SCGB2B2: variants seen among roughly 807,000 people sequenced by gnomAD.
SCGB2B2 encodes the protein secretoglobin-like protein.
SCGB2B2 carries 11 observed loss-of-function variants against 7.6 expected under a neutral mutation model. The ratio of observed to expected loss-of-function variants is 1.45; its 90% CI spans 0.91 to 2.40. SCGB2B2 has a LOEUF of 2.40. Among genes scored for constraint, SCGB2B2 ranks in the 30% most tolerant of loss-of-function variants. The probability of loss-of-function intolerance (pLI) is 0.00; values close to 1 mark genes in which losing one functional copy is unlikely to be tolerated. For synonymous variants in SCGB2B2, 50 were observed against 48.6 expected (o/e 1.03, Z -0.12); for missense variants, 104 against 115.4 (o/e 0.90, Z 0.45).
intron 1 of SCGB2B2, among the ~76,000 whole-genome samples, chr19:34,667,052 A>T (rs1477033467): frequency 2.0e-5 from 3 of 152,042 alleles, no homozygotes; most frequent in Non-Finnish European, 2.9e-5. Flanking sequence ...GAGGAGGGAC[A>T]GGCCGTCATG....
intron 1 of SCGB2B2, among the ~76,000 whole-genome samples, chr19:34,598,400 C>G (rs2065522853): frequency 6.6e-6 from 1 of 152,234 alleles, no homozygotes; most frequent in Admixed American, 6.5e-5. Flanking sequence ...GTGACAGCCT[C>G]ATGCCCTGGC....
intron 1 of SCGB2B2, among the ~76,000 whole-genome samples, chr19:34,606,747 A>G (rs1194595957): frequency 1.3e-4 from 20 of 152,010 alleles, no homozygotes; most frequent in Admixed American, 1.2e-3. Context: ...CTATTTTATA[A>G]TTAGTACCTG....
intron 1 of SCGB2B2, among the ~76,000 whole-genome samples, chr19:34,613,506 T>C (rs370702100): frequency 2.0e-5 from 3 of 152,230 alleles, no homozygotes; most frequent in African/African-American, 4.8e-5. Flanking sequence ...ACAGTTTCTA[T>C]CTTTTAAGTG....
At chr19:34,672,050 T>C (rs2146208513) in intron 1 of SCGB2B2, among the ~76,000 whole-genome samples, 1 of 152,186 alleles carries the variant, frequency 6.6e-6, no homozygotes, top group East Asian at 1.9e-4. Flanking sequence ...CTGAAGCGAG[T>C]GAACTGCTTG....
intron 1 of SCGB2B2, among the ~76,000 whole-genome samples, chr19:34,623,122 T>TGTA (rs1354666797): frequency 3.3e-5 from 5 of 152,162 alleles, no homozygotes; most frequent in Non-Finnish European, 7.4e-5. Flanking sequence ...TCCCTGGCAC[T>TGTA]GTATGAGACA....
chr19:34,657,490 A>G (rs919635280), intron 1 of SCGB2B2, among the ~76,000 whole-genome samples: 4 of 151,810 alleles, frequency 2.6e-5, no homozygotes, highest in African/African-American at 9.7e-5. Context: ...AACAAAGATC[A>G]AAAGAGACAA....
chr19:34,645,015 C>T (rs8112457), intron 1 of SCGB2B2, among the ~76,000 whole-genome samples: 60,807 of 152,104 alleles, frequency 0.4, 13,191 homozygotes, highest in Middle Eastern at 0.61. Flanking sequence ...CTGAAAGTGC[C>T]TCACCCAAGT....
chr19:34,614,617 T>C (rs1353185142), intron 1 of SCGB2B2, among the ~76,000 whole-genome samples: 1 of 152,248 alleles, frequency 6.6e-6, no homozygotes, highest in Non-Finnish European at 1.5e-5. Flanking sequence ...TTCCTTTTCA[T>C]TGATGTCTTT....
chr19:34,617,094 A>C (rs1013961180), intron 1 of SCGB2B2, among the ~76,000 whole-genome samples: 13 of 152,186 alleles, frequency 8.5e-5, no homozygotes, highest in Non-Finnish European at 1.2e-4. Flanking sequence ...GTAGCCTTGC[A>C]GTATAGTTTG....
At chr19:34,599,363 A>G (rs977504282) in intron 1 of SCGB2B2, among the ~76,000 whole-genome samples, 24 of 152,364 alleles carry the variant, frequency 1.6e-4, no homozygotes, top group Middle Eastern at 3.4e-3. Context: ...CATGCTGCCA[A>G]TAAAGACATA....
Position 34,645,525 on chromosome 19 carries a change from GACACACACAGACACAGACACACAC to G in SCGB2B2, c.-2032+30081_-2032+30104del, listed in dbSNP as rs1190324495. Reference sequence around the variant, plus strand: ...ATACACAGACACACAGACACACACAGACACACACAGACACAGACACACACACACACACACACACACACACACACG... The same window carrying G: ...ATACACAGACACACAGACACACACAGACACACACACACACACACACACACG... On this transcript the variant is annotated intron_variant, in intron 1 of 3. Coordinates refer to ENST00000601241, the MANE Select transcript of SCGB2B2 (RefSeq NM_001025591.4). 368 of 139,950 alleles carry G rather than the reference GACACACACAGACACAGACACACAC, an allele frequency of 2.6e-3. 1 individual carries two copies. Among genetic ancestry groups the G allele is most frequent in the South Asian group, 4.6e-3 (29 of 6,272 alleles). 8.7% of individuals were successfully genotyped at this position (139,950 alleles called of 1,614,324 possible). A position where few individuals can be genotyped will look rare whatever the true frequency, so the allele number is the denominator to read the frequency against.
Position 34,594,292 on chromosome 19 carries a change from C to T in SCGB2B2, c.129G>A (p.Leu43=), listed in dbSNP as rs752292606. ...GGTTGTAACGAGCAAGCTCCTCCTT[C>T]AGGAGGTCTTGGGACACATCAAACA... The part of the protein sequence containing the change: ...NVVFDVSQDL[L]KEELARYNPS... Residue 43 remains leucine, a synonymous_variant, in exon 3 of 4, where the codon CTG becomes CTA. Transcript: ENST00000601241. 1.2e-6 allele frequency: 2 copies of T among 1,613,988 alleles called. No homozygotes were observed. The highest frequency in any genetic ancestry group is 1.7e-6 in the Non-Finnish European group (2 of 1,179,838).
chr19:34,638,606 A>C (rs2066757288), intron 1 of SCGB2B2, among the ~76,000 whole-genome samples: 1 of 152,230 alleles, frequency 6.6e-6, no homozygotes, highest in South Asian at 2.1e-4. Context: ...AATCAGATTC[A>C]TCCCCACCAG....
chr19:34,669,800 G>C (rs2067752663), intron 1 of SCGB2B2, among the ~76,000 whole-genome samples: 1 of 150,868 alleles, frequency 6.6e-6, no homozygotes, highest in African/African-American at 2.5e-5. Flanking sequence ...CACACAGAGA[G>C]GCCAATGCGA....
chr19:34,620,796 AGT>A (rs769823647), intron 1 of SCGB2B2, among the ~76,000 whole-genome samples: 30 of 152,368 alleles, frequency 2.0e-4, no homozygotes, highest in Non-Finnish European at 3.4e-4. Context: ...CAAATCTTAT[AGT>A]ATTAACATCA....
chr19:34,613,930 A>T (rs399795), intron 1 of SCGB2B2, among the ~76,000 whole-genome samples: 75,519 of 152,028 alleles, frequency 0.5, 19,576 homozygotes, highest in African/African-American at 0.63. Context: ...TTCTGTCAGC[A>T]CTTTGAATAT....
intron 1 of SCGB2B2, chr19:34,637,834 T>C (rs1212511785): frequency 1.3e-5 from 2 of 152,284 alleles, no homozygotes; most frequent in Non-Finnish European, 2.9e-5. Context: ...ATTTAAAAAT[T>C]GACAGATGGA....
chr19:34,621,237 GT>G (rs1273504916), intron 1 of SCGB2B2, among the ~76,000 whole-genome samples: 4 of 152,084 alleles, frequency 2.6e-5, no homozygotes, highest in South Asian at 2.1e-4. Context: ...CAGTTGTAAG[GT>G]TTTTTTGTTC....
At chr19:34,668,305 C>T (rs1453422015) in intron 1 of SCGB2B2, among the ~76,000 whole-genome samples, 2 of 152,200 alleles carry the variant, frequency 1.3e-5, no homozygotes, top group African/African-American at 2.4e-5. Flanking sequence ...GCCGGCCCTG[C>T]CTGCCCGGGC....
Sources: allele counts gnomAD v4.1 joint callset (sites outside exome capture counted in the v4.1 genomes callset), GRCh38; gene constraint gnomAD v4.1.1; transcripts MANE v1.5; gene names NCBI Gene and HGNC (gene_info 2026-07-23, HGNC 2026-07-21).